The following NGFR variants were observed in gnomAD, a reference collection of about 807,000 sequenced individuals.
NGFR encodes nerve growth factor receptor, also known as tumor necrosis factor receptor superfamily member 16.
A neutral mutation model predicts 43.2 loss-of-function variants in NGFR; 30 were observed. The observed-to-expected ratio is 0.69, with a 90% CI of 0.52 to 0.94. The LOEUF is 0.94. Among genes scored for constraint, NGFR ranks in the 40% least tolerant of loss-of-function variants. The pLI is 0.00. For missense variants in NGFR, 529 were observed against 602.5 expected (o/e 0.88, Z 1.28); for synonymous variants, 246 against 259.6 (o/e 0.95, Z 0.50).
intron 2 of NGFR, 126 bp downstream of exon 2, chr17:49,502,330 C>A: frequency 9.3e-7 from 1 of 1,070,862 alleles, no homozygotes. Flanking sequence ...GTAAGGTCAT[C>A]AGAAGTGGGT....
intron 1 of NGFR, 23 bp from the exon 2 acceptor site, chr17:49,502,040 C>G (rs371449332): frequency 9.5e-7 from 1 of 1,053,542 alleles, no homozygotes; most frequent in South Asian, 1.8e-5. Flanking sequence ...GCCAGTCTGA[C>G]CCTCCGATCT....
chr17:49,506,579 G>A lies in NGFR; in HGVS notation c.489G>A (p.Pro163=), dbSNP rs751915161. 29 of 1,611,016 alleles carry A rather than the reference G, an allele frequency of 1.8e-5. No homozygotes were observed. The highest frequency in any genetic ancestry group is 2.2e-5 in the East Asian group (1 of 44,810). Residue 163 remains proline, a synonymous_variant, in exon 3 of 6, where the codon CCG becomes CCA. Transcript: ENST00000172229. The part of the protein sequence containing the change: ...TYSDEANHVD[P]CLPCTVCEDT... Reference sequence around the variant, plus strand: ...CCGACGAGGCCAACCACGTGGACCCGTGCCTGCCCTGCACCGTGTGCGAGG... The same window carrying A: ...CCGACGAGGCCAACCACGTGGACCCATGCCTGCCCTGCACCGTGTGCGAGG...
chr17:49,506,738 C>A, intron 3 of NGFR, 80 bp downstream of exon 3: 2 of 1,335,696 alleles, frequency 1.5e-6, no homozygotes, highest in Non-Finnish European at 2.0e-6. Flanking sequence ...CTCTGGAGGT[C>A]GACAAGGACC....
At chr17:49,500,235 G>A (rs2071159862) in intron 1 of NGFR, among the ~76,000 whole-genome samples, 1 of 152,168 alleles carries the variant, frequency 6.6e-6, no homozygotes, top group Non-Finnish European at 1.5e-5. Flanking sequence ...CAGCCACCAT[G>A]GTGAAAAGCA....
chr17:49,502,000 A>AAGCCCC, intron 1 of NGFR, 63 bp from the exon 2 acceptor site: 1 of 264,886 alleles, frequency 3.8e-6, no homozygotes, highest in Non-Finnish European at 7.9e-6. Flanking sequence ...CCCCGGAAGA[A>AAGCCCC]CCCCCCCCAA....
chr17:49,504,067 A>T (rs528521215), intron 2 of NGFR, among the ~76,000 whole-genome samples: 3 of 151,278 alleles, frequency 2.0e-5, no homozygotes, highest in African/African-American at 4.9e-5. Context: ...CTCCAGCTGC[A>T]TTAACAGGCT....
chr17:49,497,304 G>A (rs1567737178), intron 1 of NGFR: 2 of 152,354 alleles, frequency 1.3e-5, no homozygotes, highest in Non-Finnish European at 2.9e-5. Flanking sequence ...ACCTGTGGCT[G>A]CGTCCGGGGA....
Position 49,501,271 on chromosome 17 carries a change from C to T in NGFR, c.67-792C>T, listed in dbSNP as rs569711028. Among the ~76,000 whole-genome samples the T allele has an allele frequency of 5.9e-5, 9 of 152,330 alleles. No homozygotes were observed. The East Asian group carries it at 1.7e-3, about 29-fold the overall frequency. On this transcript the variant is annotated intron_variant, in intron 1 of 5. Transcript: ENST00000172229. ...CTGGTGGCTGGAAATCAAACCGTGG[C>T]AGGGCAGGGCTGCTGGGTGGTGAGA...
intron 4 of NGFR, among the ~76,000 whole-genome samples, chr17:49,511,518 TG>T (rs1165948436): frequency 1.7e-4 from 24 of 138,652 alleles, no homozygotes; most frequent in African/African-American, 5.6e-4. Context: ...GATGGACATT[TG>T]TTTTTTTTTT....
chr17:49,498,652 G>A (rs972674341), intron 1 of NGFR, among the ~76,000 whole-genome samples: 5 of 152,072 alleles, frequency 3.3e-5, no homozygotes, highest in East Asian at 1.9e-4. Flanking sequence ...TTCATCTAAG[G>A]ATCCTTCCAC....
At chr17:49,502,318 C>A in intron 2 of NGFR, 114 bp downstream of exon 2, 3 of 1,181,736 alleles carry the variant, frequency 2.5e-6, no homozygotes, top group South Asian at 1.8e-5. Context: ...AAGACCACCA[C>A]TGTAAGGTCA....
chr17:49,499,471 T>C (rs2071155510), intron 1 of NGFR, among the ~76,000 whole-genome samples: 1 of 152,240 alleles, frequency 6.6e-6, no homozygotes, highest in Non-Finnish European at 1.5e-5. Flanking sequence ...CCAGGACAAG[T>C]GTGGAGCCAG....
At chr17:49,504,393 G>A (rs2071184128) in intron 2 of NGFR, among the ~76,000 whole-genome samples, 1 of 152,144 alleles carries the variant, frequency 6.6e-6, no homozygotes, top group Admixed American at 6.5e-5. Flanking sequence ...TCTTTCTGCT[G>A]TCTGACCATA....
intron 1 of NGFR, chr17:49,497,344 A>G (rs545823051): frequency 6.6e-6 from 1 of 152,446 alleles, no homozygotes; most frequent in East Asian, 1.9e-4. Context: ...ACGTCTGCTG[A>G]CTAACGCCGC....
chr17:49,509,103 G>T (rs546200168), intron 3 of NGFR, among the ~76,000 whole-genome samples: 1 of 152,342 alleles, frequency 6.6e-6, no homozygotes, highest in South Asian at 2.1e-4. Flanking sequence ...GACGGAGACG[G>T]GGAAGGGTGG....
rs2071133683 is a variant in NGFR, at chr17:49,495,560, G to GA, written c.66+80dup. On this transcript the variant is annotated intron_variant, in intron 1 of 5. Transcript: ENST00000172229. The surrounding 1 kb of genome is among the most constrained non-coding windows in gnomAD (Gnocchi z 6.4). ...AGAAGAGCCGGGCGCCGCCACCAAG[G>GA]AAACAGAACAGAGCATTGGGGTCCC... is the stretch of plus-strand genomic sequence containing the variant. The GA allele has an allele frequency of 8.7e-7, 1 of 1,143,600 alleles. No individual in the cohort carries two copies. Among genetic ancestry groups the GA allele is most frequent in the Non-Finnish European group, 1.1e-6 (1 of 905,092 alleles). The allele number at this position is 1,143,600 out of a possible 1,614,324, so 70.8% of individuals were successfully genotyped here. A position where few individuals can be genotyped will look rare whatever the true frequency, so the allele number is the denominator to read the frequency against.
rs11466136 is a variant in NGFR, at chr17:49,506,056, G to A, written c.209-243G>A. ...CTGGGTTATGCCGGAAAGCCTCCCG[G>A]CCGGCCAGTGCTTCTGGAGCCTGGA... On this transcript the variant is annotated intron_variant, in intron 2 of 5. Coordinates refer to ENST00000172229, the MANE Select transcript of NGFR (RefSeq NM_002507.4). 8.4e-4 allele frequency: 551 copies of A among 656,618 alleles called. 4 individuals carry two copies. In the African/African-American group the frequency reaches 9.1e-3, roughly 11 times the overall value. The allele number at this position is 656,618 out of a possible 1,614,324, so 40.7% of individuals were successfully genotyped here.
Position 49,512,143 on chromosome 17 carries a change from G to T in NGFR, c.982+91G>T, listed in dbSNP as rs1306344936. On this transcript the variant is annotated intron_variant, in intron 5 of 5. Transcript: ENST00000172229. This position sits in a 1 kb window ranked among gnomAD's most constrained non-coding sequence, Gnocchi z 5.2. ...TAGACTCCAGGAAGGACTGTCGGGG[G>T]GGCGGCAGGGCTGGCTCAGCGGTGC... The T allele has an allele frequency of 8.9e-6, 13 of 1,465,976 alleles. No homozygotes were observed. The highest frequency in any genetic ancestry group is 3.7e-6 in the Non-Finnish European group (4 of 1,095,850). 90.8% of individuals were successfully genotyped at this position (1,465,976 alleles called of 1,614,324 possible).
intron 1 of NGFR, 128 bp from the exon 2 acceptor site, chr17:49,501,935 C>A: frequency 1.1e-6 from 1 of 908,012 alleles, no homozygotes; most frequent in Non-Finnish European, 1.6e-6. Flanking sequence ...CCCTGGTGAG[C>A]TCATCCCAGC....
Sources: gnomAD v4.1 joint callset for allele counts (sites outside exome capture counted in the v4.1 genomes callset) on GRCh38, gnomAD v4.1.1 for gene constraint, Gnocchi (gnomAD v3.1) non-coding constraint, MANE v1.5 for transcripts, NCBI Gene and HGNC (gene_info 2026-07-23, HGNC 2026-07-21) for gene names.